Variants in PRMT9 observed in about 807,000 individuals in gnomAD.
The protein encoded by PRMT9 is protein arginine N-methyltransferase 9.
In PRMT9, 59 loss-of-function variants were observed where a neutral mutation model predicts 83.2. The ratio of observed to expected loss-of-function variants is 0.71; its 90% CI spans 0.57 to 0.88. PRMT9 has a LOEUF of 0.88. PRMT9 is among the 40% of genes least tolerant of loss of function. PRMT9 has a pLI of 0.00. For synonymous variants in PRMT9, 333 were observed against 353.2 expected, an observed-to-expected ratio of 0.94 and a Z score of 0.64; for missense variants, 947 against 1,021.9, an observed-to-expected ratio of 0.93 and a Z score of 1.00.
At chr4:147,674,560 C>T (rs1287028543) in intron 2 of PRMT9, among the ~76,000 whole-genome samples, 1 of 151,996 alleles carries the variant, frequency 6.6e-6, no homozygotes, top group East Asian at 1.9e-4. Context: ...TAATGAAGAA[C>T]CTCTCCTCCC....
At position 147,683,733 on chromosome 4, in the gene PRMT9, CTGTTTTTTTTTTTTTTTTT is replaced by C. The variant is rs1339525431; in HGVS notation, c.189+47_189+65del. The C allele has an allele frequency of 8.2e-6, 4 of 489,664 alleles. No individual in the cohort carries two copies. The African/African-American group carries it at 8.4e-5, about 10-fold the overall frequency. The allele number at this position is 489,664 out of a possible 1,614,324, so 30.3% of individuals were successfully genotyped here. ...CTAGCCCCTCCGCTTTTTTTTTTTT[CTGTTTTTTTTTTTTTTTTT>C]ACGAGGACGTTGGATCTGCCAGCAA... On this transcript the variant is annotated intron_variant, in intron 1 of 11. Coordinates refer to ENST00000322396, the MANE Select transcript of PRMT9 (RefSeq NM_138364.4).
Position 147,683,841 on chromosome 4 carries a change from G to C in PRMT9, c.147C>G (p.Leu49=). The change falls in exon 1 of 12, where the codon CTC becomes CTG. Residue 49 remains leucine (L), a synonymous_variant. Coordinates refer to ENST00000322396, the MANE Select transcript of PRMT9 (RefSeq NM_138364.4). ...QDFGTAYAHY[L]LVLSLAPELK... is the part of the protein sequence containing the mutation. ...GCTCCGGCGCCAGGCTGAGCACGAGGAGGTAGTGGGCATAGGCAGTGCCGA... is the reference window on the plus strand; with the variant it reads ...GCTCCGGCGCCAGGCTGAGCACGAGCAGGTAGTGGGCATAGGCAGTGCCGA... 1 of 1,613,482 alleles carries C rather than the reference G, an allele frequency of 6.2e-7. No individual in the cohort carries two copies. The highest frequency in any genetic ancestry group is 8.5e-7 in the Non-Finnish European group (1 of 1,179,992).
chr4:147,670,216 G>C (rs1416756389), intron 5 of PRMT9, among the ~76,000 whole-genome samples: 1 of 152,102 alleles, frequency 6.6e-6, no homozygotes, highest in Non-Finnish European at 1.5e-5. Flanking sequence ...TTTCGCTCTT[G>C]TTGCCCAGGC....
At chr4:147,644,117 T>C (rs1462950171) in intron 9 of PRMT9, among the ~76,000 whole-genome samples, 1 of 152,148 alleles carries the variant, frequency 6.6e-6, no homozygotes, top group Non-Finnish European at 1.5e-5. Context: ...ATTTTAATAA[T>C]TGTACAGTGA....
At chr4:147,662,810 A>C (rs1371497129) in intron 6 of PRMT9, among the ~76,000 whole-genome samples, 1 of 152,090 alleles carries the variant, frequency 6.6e-6, no homozygotes, top group Non-Finnish European at 1.5e-5. Flanking sequence ...AAAAAACAAA[A>C]AAAACAAAAA....
chr4:147,664,448 T>C (rs867557490), intron 6 of PRMT9, among the ~76,000 whole-genome samples: 3 of 152,234 alleles, frequency 2.0e-5, no homozygotes, highest in Non-Finnish European at 2.9e-5. Flanking sequence ...GGTAGGCCAA[T>C]TGTTTTACAG....
intron 8 of PRMT9, among the ~76,000 whole-genome samples, chr4:147,655,244 C>A (rs1734404655): frequency 1.3e-5 from 2 of 152,166 alleles, no homozygotes; most frequent in Admixed American, 6.5e-5. Context: ...TCCCCTGCAG[C>A]CTCCAACTCC....
intron 2 of PRMT9, among the ~76,000 whole-genome samples, chr4:147,676,402 C>T (rs1422752586): frequency 6.6e-6 from 1 of 151,958 alleles, no homozygotes; most frequent in Non-Finnish European, 1.5e-5. Context: ...ATTTTTTTAA[C>T]TAATTTGAGG....
At chr4:147,679,364 A>G (rs539661700) in intron 2 of PRMT9, among the ~76,000 whole-genome samples, 52 of 152,196 alleles carry the variant, frequency 3.4e-4, no homozygotes, top group Admixed American at 1.7e-3. Context: ...TGAGATCACC[A>G]GAGCCTGGGA....
chr4:147,677,873 G>A (rs1736192843), intron 2 of PRMT9, among the ~76,000 whole-genome samples: 2 of 152,124 alleles, frequency 1.3e-5, no homozygotes, highest in South Asian at 4.2e-4. Flanking sequence ...ACAACTTATT[G>A]TGAATGACCA....
chr4:147,683,721 T>A, intron 1 of PRMT9, 78 bp downstream of exon 1: 1 of 779,448 alleles, frequency 1.3e-6, no homozygotes, highest in Non-Finnish European at 1.8e-6. Flanking sequence ...GCCCCTCCGC[T>A]TTTTTTTTTT....
chr4:147,677,878 T>C (rs1274223705), intron 2 of PRMT9, among the ~76,000 whole-genome samples: 1 of 152,214 alleles, frequency 6.6e-6, no homozygotes. Context: ...TTATTGTGAA[T>C]GACCATATAA....
rs33942571 is a variant in PRMT9 at position 147,659,579 on chromosome 4, C to CTTTTTT, written c.1146+1261_1146+1266dup. Among the ~76,000 whole-genome samples, 186 of 121,620 alleles carry CTTTTTT rather than the reference C, an allele frequency of 1.5e-3. 4 individuals are homozygous for CTTTTTT. The highest frequency in any genetic ancestry group is 3.9e-3 in the Admixed American group (41 of 10,544). The allele number at this position is 121,620 out of a possible 152,430, so 79.8% of individuals were successfully genotyped here. ...CCAATTTCTTTGGGCACTTTCTTTT[C>CTTTTTT]TTTTTTTTTTTTTTCTGAGACGGAG... On this transcript the variant is annotated intron_variant, in intron 7 of 11. Transcript: ENST00000322396.
At chr4:147,656,616 C>T (rs1379125551) in intron 8 of PRMT9, among the ~76,000 whole-genome samples, 1 of 151,346 alleles carries the variant, frequency 6.6e-6, no homozygotes, top group Non-Finnish European at 1.5e-5. Flanking sequence ...ACTAAAAATA[C>T]AAAAAATTAG....
Position 147,672,957 on chromosome 4 carries a change from A to G in PRMT9, c.743+2T>C. 2 of 1,611,814 alleles carry G rather than the reference A, an allele frequency of 1.2e-6. No individual in the cohort carries two copies. The highest frequency in any genetic ancestry group is 1.7e-6 in the Non-Finnish European group (2 of 1,178,008). ...CACTAAAATTAGTTTACATGATAAT[A>G]CCTTTCGGGAATATGTTTTGGAATC... On this transcript the variant is annotated splice_donor_variant, in intron 4 of 11. Transcript: ENST00000322396. LOFTEE classifies it high-confidence loss of function.
At position 147,638,341 on chromosome 4, in the gene PRMT9, C is replaced by T; in HGVS notation, c.*191G>A. 3.4e-6 allele frequency: 2 copies of T among 592,638 alleles called. No homozygotes were observed. The highest frequency in any genetic ancestry group is 5.7e-5 in the East Asian group (2 of 35,144). 36.7% of individuals were successfully genotyped at this position (592,638 alleles called of 1,614,324 possible). On this transcript the variant is annotated 3_prime_UTR_variant, in exon 12 of 12. Transcript: ENST00000322396. Reference sequence around the variant, plus strand: ...TAGTGATGTATCCTTTTCCAGAAAGCAAATCTGCAGCAGTATTTCTATAAT... The same window carrying T: ...TAGTGATGTATCCTTTTCCAGAAAGTAAATCTGCAGCAGTATTTCTATAAT...
intron 6 of PRMT9, among the ~76,000 whole-genome samples, chr4:147,664,495 C>T (rs1735185907): frequency 6.6e-6 from 1 of 152,134 alleles, no homozygotes; most frequent in Non-Finnish European, 1.5e-5. Context: ...GGTTTTCTCA[C>T]AATTAGATTG....
chr4:147,654,713 G>A, intron 8 of PRMT9, 147 bp from the exon 9 acceptor site: 2 of 633,964 alleles, frequency 3.2e-6, no homozygotes, highest in East Asian at 2.7e-5. Flanking sequence ...CAAAAAACTA[G>A]GAAAACTCTA....
chr4:147,654,583 G>T lies in PRMT9; in HGVS notation c.1331-17C>A, dbSNP rs766654676. The T allele has an allele frequency of 1.3e-6, 2 of 1,526,874 alleles. No individual in the cohort carries two copies. The highest frequency in any genetic ancestry group is 1.8e-6 in the Non-Finnish European group (2 of 1,104,980). The allele number at this position is 1,526,874 out of a possible 1,614,324, so 94.6% of individuals were successfully genotyped here. ...TCCAGTAGTCTTCATTAAATAGTAA[G>T]GAAGAAAAAAAATATGGAGTACTTA... On this transcript the variant is annotated splice_polypyrimidine_tract_variant and intron_variant, in intron 8 of 11. Transcript: ENST00000322396.
Sources: gnomAD v4.1 joint callset for allele counts (sites outside exome capture counted in the v4.1 genomes callset) on GRCh38, gnomAD v4.1.1 for gene constraint, MANE v1.5 for transcripts, NCBI Gene and HGNC (gene_info 2026-07-23, HGNC 2026-07-21) for gene names.